TANC2: variants seen among roughly 807,000 people sequenced by gnomAD.
TANC2 encodes protein TANC2.
In TANC2, 26 loss-of-function variants were observed where a neutral mutation model predicts 210.5. The observed-to-expected ratio is 0.12, with a 90% CI of 0.09 to 0.17. The LOEUF (loss-of-function observed/expected upper bound fraction) is 0.17. Among genes scored for constraint, TANC2 ranks in the 10% least tolerant of loss-of-function variants. The probability of loss-of-function intolerance (pLI) is 1.00; values close to 1 mark genes in which losing one functional copy is unlikely to be tolerated. For missense variants in TANC2, 2,129 were observed against 2,608.9 expected (o/e 0.82, Z 4.01); for synonymous variants, 931 against 967.1 (o/e 0.96, Z 0.69).
intron 5 of TANC2, among the ~76,000 whole-genome samples, chr17:63,173,553 C>T (rs2040481645): frequency 6.6e-6 from 1 of 152,194 alleles, no homozygotes; most frequent in Non-Finnish European, 1.5e-5. Flanking sequence ...GTAGCTTCTC[C>T]AAGCCAGGTG....
exon 4 of TANC2, chr17:63,099,181 T>A (rs777873115): frequency 6.2e-7 from 1 of 1,610,418 alleles, no homozygotes; most frequent in Non-Finnish European, 8.5e-7. Flanking sequence ...ACAGGTGGCA[T>A]CTCCACAGAA....
intron 5 of TANC2, among the ~76,000 whole-genome samples, chr17:63,180,012 A>G (rs2145641424): frequency 6.7e-6 from 1 of 148,816 alleles, no homozygotes; most frequent in South Asian, 2.1e-4. Context: ...GTGGTGGCAC[A>G]TGCCTGTGGT....
At chr17:63,109,150 AAAAT>A (rs2037937966) in intron 4 of TANC2, among the ~76,000 whole-genome samples, 1 of 151,718 alleles carries the variant, frequency 6.6e-6, no homozygotes, top group South Asian at 2.1e-4. Flanking sequence ...AGAAGTACTG[AAAAT>A]AAATGAACTA....
intron 5 of TANC2, among the ~76,000 whole-genome samples, chr17:63,192,853 A>G (rs1371918905): frequency 6.6e-6 from 1 of 152,228 alleles, no homozygotes; most frequent in Non-Finnish European, 1.5e-5. Context: ...CATATAGATT[A>G]TAAACTTTTC....
At chr17:63,315,264 G>A (rs2045278480) in intron 10 of TANC2, among the ~76,000 whole-genome samples, 1 of 152,184 alleles carries the variant, frequency 6.6e-6, no homozygotes, top group Non-Finnish European at 1.5e-5. Flanking sequence ...TACTTACTAT[G>A]TGCCAGATAC....
chr17:63,190,217 GTAGCCC>G (rs1188213562), intron 5 of TANC2, among the ~76,000 whole-genome samples: 1 of 152,082 alleles, frequency 6.6e-6, no homozygotes, highest in African/African-American at 2.4e-5. Flanking sequence ...GTGCATACCT[GTAGCCC>G]TAGCTACTCA....
intron 9 of TANC2, among the ~76,000 whole-genome samples, chr17:63,303,873 C>T (rs1443376452): frequency 2.0e-5 from 3 of 151,406 alleles, no homozygotes; most frequent in Admixed American, 6.6e-5. Context: ...TCTGCTTGGT[C>T]GATTCAGTTA....
chr17:63,270,023 GAAGTC>G (rs1468575763), intron 9 of TANC2, among the ~76,000 whole-genome samples: 3 of 152,122 alleles, frequency 2.0e-5, no homozygotes, highest in African/African-American at 7.2e-5. Context: ...TCAGTTCCTT[GAAGTC>G]ATCTTTATTT....
At chr17:63,099,254 G>A (rs1454009608) in exon 4 of TANC2, 1 of 1,608,260 alleles carries the variant, frequency 6.2e-7, no homozygotes, top group South Asian at 1.1e-5. Flanking sequence ...AAGGTATGCA[G>A]CACATTCGGA....
chr17:63,172,070 C>T (rs765520034), intron 5 of TANC2, among the ~76,000 whole-genome samples: 3 of 152,140 alleles, frequency 2.0e-5, no homozygotes, highest in Admixed American at 6.5e-5. Context: ...TGCCTTATCT[C>T]GTCCCTAACC....
rs868245822 is a variant in TANC2 at position 63,077,881 on chromosome 17, T to C, written c.139+3867T>C. Among the ~76,000 whole-genome samples the C allele has an allele frequency of 6.6e-5, 10 of 152,310 alleles. 1 individual carries two copies. In the South Asian group the frequency reaches 1.4e-3, roughly 22 times the overall value. ...AGGGCAAGTCTGACCTGTGACTTTG[T>C]TTTTGTATGGTTGGTGTATTTGATT... On this transcript the variant is annotated intron_variant, in intron 3 of 27. Transcript: ENST00000689528.
intron 2 of TANC2, among the ~76,000 whole-genome samples, chr17:63,064,974 A>G (rs972027376): frequency 6.6e-6 from 1 of 151,994 alleles, no homozygotes; most frequent in Non-Finnish European, 1.5e-5. Context: ...TGTACAATAG[A>G]TTTCCGGCAC....
chr17:63,004,942 T>C, intron 1 of TANC2: 1 of 221,572 alleles, frequency 4.5e-6, no homozygotes, highest in Non-Finnish European at 9.0e-6. Flanking sequence ...ATCTATCCCC[T>C]TCAATCCTTC....
intron 8 of TANC2, among the ~76,000 whole-genome samples, chr17:63,251,436 C>T (rs2043051090): frequency 6.6e-6 from 1 of 152,124 alleles, no homozygotes; most frequent in South Asian, 2.1e-4. Flanking sequence ...AAGGGAAACA[C>T]CTAACAGAAG....
rs558947860 is a variant in TANC2, at chr17:63,082,783, T to C, written c.139+8769T>C. On this transcript the variant is annotated intron_variant, in intron 3 of 27. Transcript: ENST00000689528. ...CTTTGTTAATGAGGGTAGGGTAGAGTGGCTGGTTAGGCCATTTTCATTGGC... is the reference window on the plus strand; with the variant it reads ...CTTTGTTAATGAGGGTAGGGTAGAGCGGCTGGTTAGGCCATTTTCATTGGC... Among the ~76,000 whole-genome samples, 201 of 152,148 alleles carry C rather than the reference T, an allele frequency of 1.3e-3. 2 individuals are homozygous for C. Among genetic ancestry groups the C allele is most frequent in the African/African-American group, 4.5e-3 (188 of 41,504 alleles).
At chr17:63,114,648 A>G (rs2038184385) in intron 4 of TANC2, among the ~76,000 whole-genome samples, 1 of 152,208 alleles carries the variant, frequency 6.6e-6, no homozygotes, top group African/African-American at 2.4e-5. Context: ...ACATCTCTTC[A>G]TAAATATTAC....
chr17:63,269,176 A>G (rs2043620991), intron 9 of TANC2, among the ~76,000 whole-genome samples: 1 of 152,122 alleles, frequency 6.6e-6, no homozygotes, highest in Non-Finnish European at 1.5e-5. Flanking sequence ...GTATTGCAAC[A>G]ATTACCATAC....
chr17:63,283,206 C>T (rs1296944530), intron 9 of TANC2, among the ~76,000 whole-genome samples: 3 of 151,724 alleles, frequency 2.0e-5, no homozygotes, highest in Admixed American at 6.6e-5. Flanking sequence ...TAGTTGTTCC[C>T]GCACCATTTG....
chr17:63,193,337 TACTAATAC>T (rs1359128241), intron 5 of TANC2, among the ~76,000 whole-genome samples: 1 of 152,138 alleles, frequency 6.6e-6, no homozygotes, highest in Non-Finnish European at 1.5e-5. Context: ...TTGAGTTCAG[TACTAATAC>T]ACAAAAATAC....
Sources: gnomAD v4.1 joint callset for allele counts (sites outside exome capture counted in the v4.1 genomes callset) on GRCh38, gnomAD v4.1.1 for gene constraint, MANE v1.5 for transcripts, NCBI Gene and HGNC (gene_info 2026-07-23, HGNC 2026-07-21) for gene names.